The following HAPLN1 variants were observed in gnomAD, a reference collection of about 807,000 sequenced individuals.
HAPLN1 encodes Cartilage link protein.
HAPLN1 carries 13 observed loss-of-function variants against 36.5 expected under a neutral mutation model. That is an observed-to-expected ratio of 0.36 (90% confidence interval 0.23 to 0.57). HAPLN1 has a LOEUF of 0.57. Ranked by LOEUF, HAPLN1 falls within the 20% of genes least tolerant of loss-of-function variation. HAPLN1 has a pLI of 0.83. For synonymous variants in HAPLN1, 202 were observed against 169.8 expected (o/e 1.19, Z -1.48); for missense variants, 407 against 439.7 (o/e 0.93, Z 0.66).
At chr5:83,642,670 A>G (rs956240782) in intron 4 of HAPLN1, among the ~76,000 whole-genome samples, 1 of 152,182 alleles carries the variant, frequency 6.6e-6, no homozygotes. Flanking sequence ...TTAGACATGT[A>G]ATATGATGTT....
At chr5:83,666,636 T>TGAG (rs1294889582) in intron 2 of HAPLN1, among the ~76,000 whole-genome samples, 1 of 152,198 alleles carries the variant, frequency 6.6e-6, no homozygotes, top group Non-Finnish European at 1.5e-5. Flanking sequence ...ATGTATTTTA[T>TGAG]GAGTTCAGCT....
chr5:83,647,984 T>G (rs1018288726), intron 3 of HAPLN1, among the ~76,000 whole-genome samples: 1 of 152,180 alleles, frequency 6.6e-6, no homozygotes. Context: ...CAATGGAAGA[T>G]AAATACAATG....
chr5:83,686,107 G>A (rs1006193498), intron 1 of HAPLN1: 2 of 127,710 alleles, frequency 1.6e-5, no homozygotes, highest in Admixed American at 1.8e-4. Flanking sequence ...ACCAATGACG[G>A]AGCCAAAACA....
At position 83,692,908 on chromosome 5, in the gene HAPLN1, C is replaced by T. The variant is rs370681172; in HGVS notation, c.-26-19359G>A. On this transcript the variant is annotated intron_variant, in intron 1 of 4. Transcript: ENST00000274341. ...GGAAGGTTCTTATATTAATACTTTA[C>T]ATGAAGTATAGTAGTCCCCCTTATC... Among the ~76,000 whole-genome samples, 5 of 151,966 alleles carry T rather than the reference C, an allele frequency of 3.3e-5. No homozygotes were observed. In the East Asian group the frequency reaches 5.8e-4, roughly 18 times the overall value.
intron 2 of HAPLN1, among the ~76,000 whole-genome samples, chr5:83,654,796 A>C (rs1218434587): frequency 6.6e-6 from 1 of 152,224 alleles, no homozygotes; most frequent in African/African-American, 2.4e-5. Flanking sequence ...CTAATGTGAC[A>C]TAGACCTTGG....
intron 1 of HAPLN1, among the ~76,000 whole-genome samples, chr5:83,706,434 A>G (rs1015623700): frequency 6.6e-6 from 1 of 152,222 alleles, no homozygotes; most frequent in Non-Finnish European, 1.5e-5. Flanking sequence ...ACATACACAA[A>G]TCAATAAATG....
At chr5:83,663,241 C>T (rs981387051) in intron 2 of HAPLN1, among the ~76,000 whole-genome samples, 6 of 152,198 alleles carry the variant, frequency 3.9e-5, no homozygotes, top group African/African-American at 1.4e-4. Flanking sequence ...GATTTTTCAA[C>T]AGAGGCTAGA....
chr5:83,652,372 C>G, intron 3 of HAPLN1, 81 bp downstream of exon 3: 2 of 1,407,360 alleles, frequency 1.4e-6, no homozygotes, highest in Non-Finnish European at 1.9e-6. Flanking sequence ...ACTGTGTTAA[C>G]CACTAGACAT....
At chr5:83,652,067 C>A (rs571186091) in intron 3 of HAPLN1, 1 of 208,806 alleles carries the variant, frequency 4.8e-6, no homozygotes, top group East Asian at 1.0e-4. Flanking sequence ...ATGTCCTTTA[C>A]AAAACATGCC....
chr5:83,715,751 G>A (rs931296928), intron 1 of HAPLN1, among the ~76,000 whole-genome samples: 3 of 152,178 alleles, frequency 2.0e-5, no homozygotes, highest in African/African-American at 7.2e-5. Context: ...TGTCCACACA[G>A]CCAAGAAACA....
In HAPLN1 at chr5:83,652,830, A is replaced by G; in HGVS notation, c.101-6T>C. ...TAGATGGGGGCCATTTTCTGCTATA[A>G]TTAAAAAGGAAAAAAAAAAGAAAAT... On this transcript the variant is annotated splice_region_variant and splice_polypyrimidine_tract_variant and intron_variant, in intron 2 of 4. Coordinates refer to ENST00000274341, the MANE Select transcript of HAPLN1 (RefSeq NM_001884.4). 1 of 1,557,764 alleles carries G rather than the reference A, an allele frequency of 6.4e-7. No individual in the cohort carries two copies. The highest frequency in any genetic ancestry group is 1.7e-4 in the Middle Eastern group (1 of 5,794).
chr5:83,649,243 T>G (rs1294458378), intron 3 of HAPLN1, among the ~76,000 whole-genome samples: 1 of 152,158 alleles, frequency 6.6e-6, no homozygotes, highest in East Asian at 1.9e-4. Flanking sequence ...CAATGAAAAG[T>G]TAAACATTCT....
intron 2 of HAPLN1, among the ~76,000 whole-genome samples, chr5:83,654,771 T>C (rs1447124217): frequency 6.6e-6 from 1 of 152,202 alleles, no homozygotes; most frequent in Non-Finnish European, 1.5e-5. Flanking sequence ...ATCATAGCAG[T>C]TGTGAACAAG....
At chr5:83,668,109 T>G (rs1222231093) in intron 2 of HAPLN1, among the ~76,000 whole-genome samples, 1 of 152,228 alleles carries the variant, frequency 6.6e-6, no homozygotes, top group African/African-American at 2.4e-5. Flanking sequence ...ATTGATCACC[T>G]ACTATGTGCC....
At chr5:83,662,985 A>T (rs1257716088) in intron 2 of HAPLN1, among the ~76,000 whole-genome samples, 1 of 152,248 alleles carries the variant, frequency 6.6e-6, no homozygotes, top group Non-Finnish European at 1.5e-5. Context: ...ATGAATCAAC[A>T]GCCTACAATG....
Position 83,709,937 on chromosome 5 carries a change from C to T in HAPLN1, c.-27+10852G>A, listed in dbSNP as rs190197806. Among the ~76,000 whole-genome samples, 5 of 152,254 alleles carry T rather than the reference C, an allele frequency of 3.3e-5. No individual in the cohort carries two copies. The East Asian group carries it at 7.7e-4, about 24-fold the overall frequency. ...GAGAGAGATATTTATGAGACAGAAT[C>T]CATAGGATGACTCCTATGTTCCTGT... On this transcript the variant is annotated intron_variant, in intron 1 of 4. Coordinates refer to ENST00000274341, the MANE Select transcript of HAPLN1 (RefSeq NM_001884.4).
chr5:83,699,717 T>A (rs192674688), intron 1 of HAPLN1, among the ~76,000 whole-genome samples: 146 of 152,306 alleles, frequency 9.6e-4, no homozygotes, highest in African/African-American at 3.4e-3. Context: ...ATAAATGAAA[T>A]GTGTAAACAA....
chr5:83,707,531 A>T (rs1751680727), intron 1 of HAPLN1, among the ~76,000 whole-genome samples: 1 of 152,236 alleles, frequency 6.6e-6, no homozygotes, highest in Non-Finnish European at 1.5e-5. Flanking sequence ...GGCTAGCGAT[A>T]TGCAGAAGAT....
At chr5:83,667,508 G>A (rs575626520) in intron 2 of HAPLN1, among the ~76,000 whole-genome samples, 48 of 152,122 alleles carry the variant, frequency 3.2e-4, no homozygotes, top group African/African-American at 1.1e-3. Flanking sequence ...TAAAATATTT[G>A]TAGATATTTT....
Sources: gnomAD v4.1 joint callset for allele counts (sites outside exome capture counted in the v4.1 genomes callset) on GRCh38, gnomAD v4.1.1 for gene constraint, MANE v1.5 for transcripts, NCBI Gene and HGNC (gene_info 2026-07-23, HGNC 2026-07-21) for gene names.